The following NEDD4 variants were observed in gnomAD, a reference collection of about 807,000 sequenced individuals.
NEDD4 encodes E3 ubiquitin-protein ligase NEDD4.
A neutral mutation model predicts 144.9 loss-of-function variants in NEDD4; 99 were observed. That is an observed-to-expected ratio of 0.68 (90% CI 0.58 to 0.81). The LOEUF is 0.81. Among genes scored for constraint, NEDD4 ranks in the 30% least tolerant of loss-of-function variants. The pLI is 0.00. For missense variants in NEDD4, 985 were observed against 1,065.9 expected, an observed-to-expected ratio of 0.92 and a Z score of 1.06; for synonymous variants, 318 against 350.6, an observed-to-expected ratio of 0.91 and a Z score of 1.04.
intron 4 of NEDD4, among the ~76,000 whole-genome samples, chr15:55,939,482 C>A (rs2036956616): frequency 6.6e-6 from 1 of 152,250 alleles, no homozygotes; most frequent in African/African-American, 2.4e-5. Flanking sequence ...GTATCTTTAT[C>A]ATAGTGTGAA....
At chr15:55,875,152 A>G (rs1363901678) in intron 5 of NEDD4, among the ~76,000 whole-genome samples, 2 of 152,268 alleles carry the variant, frequency 1.3e-5, no homozygotes, top group East Asian at 3.9e-4. Context: ...CAGCCACAAG[A>G]TGACGCAGAT....
chr15:55,855,809 C>T (rs2034170457), intron 12 of NEDD4, among the ~76,000 whole-genome samples: 1 of 152,180 alleles, frequency 6.6e-6, no homozygotes, highest in South Asian at 2.1e-4. Context: ...TGTGCATGTG[C>T]AGAACATCAG....
At chr15:55,926,052 T>C (rs369028368) in intron 4 of NEDD4, among the ~76,000 whole-genome samples, 1 of 152,156 alleles carries the variant, frequency 6.6e-6, no homozygotes, top group South Asian at 2.1e-4. Flanking sequence ...ATATACAGTA[T>C]GTAAAATACA....
intron 2 of NEDD4, among the ~76,000 whole-genome samples, chr15:55,965,216 T>C (rs77873281): frequency 0.019 from 2,963 of 152,300 alleles, 108 homozygotes; most frequent in African/African-American, 0.068. Context: ...GTTTGTTTTT[T>C]GAGACACGGT....
chr15:55,918,667 A>T (rs1460415743), intron 5 of NEDD4, among the ~76,000 whole-genome samples: 1 of 152,168 alleles, frequency 6.6e-6, no homozygotes, highest in Non-Finnish European at 1.5e-5. Context: ...GACACAAAAC[A>T]GAATTATGGG....
chr15:55,986,580 C>CTTTTTTTTTTT lies in NEDD4; in HGVS notation c.45+6920_45+6930dup, dbSNP rs58470215. ...TCGTAGGATGTAAGGCCTGTCCTTG[C>CTTTTTTTTTTT]TTTTTTTTTTTTTTTTTTTTTTTTT... is the stretch of plus-strand genomic sequence containing the variant. On this transcript the variant is annotated intron_variant, in intron 1 of 28. Coordinates refer to ENST00000435532, the MANE Select transcript of NEDD4 (RefSeq NM_006154.4). 2.5e-4 allele frequency among the ~76,000 whole-genome samples: 19 copies of CTTTTTTTTTTT among 76,434 alleles called. 1 individual carries two copies. Among genetic ancestry groups the CTTTTTTTTTTT allele is most frequent in the African/African-American group, 1.1e-3 (19 of 16,806 alleles). The allele number at this position is 76,434 out of a possible 152,430, so 50.1% of individuals were successfully genotyped here.
At chr15:55,885,412 T>C (rs1394273426) in intron 5 of NEDD4, among the ~76,000 whole-genome samples, 5 of 152,132 alleles carry the variant, frequency 3.3e-5, no homozygotes, top group African/African-American at 9.7e-5. Context: ...AATATGATAA[T>C]ACTGTAATTG....
chr15:55,861,282 A>G (rs2034395278), intron 9 of NEDD4, among the ~76,000 whole-genome samples: 1 of 152,160 alleles, frequency 6.6e-6, no homozygotes, highest in South Asian at 2.1e-4. Context: ...TTTATAATGA[A>G]AAGCTTAATG....
chr15:55,846,255 T>G (rs754534988), intron 18 of NEDD4, among the ~76,000 whole-genome samples: 1 of 152,208 alleles, frequency 6.6e-6, no homozygotes, highest in African/African-American at 2.4e-5. Context: ...GAAAGCCAGC[T>G]TCTGGCTTAG....
chr15:55,829,892 G>C lies in NEDD4; in HGVS notation c.*5C>G. On this transcript the variant is annotated 3_prime_UTR_variant, in exon 29 of 29. Transcript: ENST00000435532. The stretch of plus-strand genomic sequence containing the variant: ...GTAAAAACACTACAGATTGTTATTT[G>C]TAATCTAATCAACTCCATCAAAGCC... The C allele has an allele frequency of 6.2e-7, 1 of 1,602,468 alleles. No individual in the cohort carries two copies. The highest frequency in any genetic ancestry group is 8.5e-7 in the Non-Finnish European group (1 of 1,172,476).
At chr15:55,894,215 C>T (rs539191093) in intron 5 of NEDD4, among the ~76,000 whole-genome samples, 6 of 151,762 alleles carry the variant, frequency 4.0e-5, no homozygotes, top group East Asian at 3.9e-4. Context: ...TCAATCAATC[C>T]GGGATCAAAA....
At chr15:55,834,963 T>G (rs1408288279) in intron 24 of NEDD4, among the ~76,000 whole-genome samples, 10 of 152,200 alleles carry the variant, frequency 6.6e-5, no homozygotes, top group African/African-American at 2.4e-4. Context: ...CCTGCACCTG[T>G]GCTTCACCTG....
In NEDD4 at chr15:55,970,535, T is replaced by G. The variant is rs559190067; in HGVS notation, c.46-3989A>C. ...TGGTGGCCACAGGATTGTGTCACCC[T>G]TCTGCCAACTCCAGGCAGCTCAGAA... is the stretch of plus-strand genomic sequence containing the variant. On this transcript the variant is annotated intron_variant, in intron 1 of 28. Transcript: ENST00000435532. Among the ~76,000 whole-genome samples the G allele has an allele frequency of 2.6e-5, 4 of 152,292 alleles. No individual in the cohort carries two copies. In the East Asian group the frequency reaches 7.7e-4, roughly 29 times the overall value.
chr15:55,867,453 T>C (rs2034624415), intron 8 of NEDD4, among the ~76,000 whole-genome samples: 1 of 152,214 alleles, frequency 6.6e-6, no homozygotes, highest in Admixed American at 6.5e-5. Flanking sequence ...GATGCGTGCA[T>C]GTGGGCAAAA....
intron 6 of NEDD4, among the ~76,000 whole-genome samples, chr15:55,872,917 T>TA (rs201906568): frequency 2.1e-3 from 282 of 134,024 alleles, no homozygotes; most frequent in South Asian, 3.8e-3. Flanking sequence ...GCACCCTGTT[T>TA]AAAAAAAAAA....
intron 1 of NEDD4, among the ~76,000 whole-genome samples, chr15:55,971,395 C>T (rs920179429): frequency 1.1e-4 from 17 of 152,132 alleles, no homozygotes; most frequent in Admixed American, 6.5e-4. Context: ...GAGGCTGAGG[C>T]GAGTGGATCT....
At chr15:55,957,949 TCA>T (rs1566968980) in intron 2 of NEDD4, among the ~76,000 whole-genome samples, 1 of 152,084 alleles carries the variant, frequency 6.6e-6, no homozygotes, top group East Asian at 1.9e-4. Context: ...GTGGGGAACA[TCA>T]CACACCAGGG....
intron 5 of NEDD4, among the ~76,000 whole-genome samples, chr15:55,910,327 T>C (rs1204461729): frequency 1.3e-5 from 2 of 152,086 alleles, no homozygotes; most frequent in Admixed American, 6.5e-5. Flanking sequence ...CTCTTGCTAA[T>C]GGACCTCCTA....
intron 24 of NEDD4, 61 bp from the exon 25 acceptor site, chr15:55,834,347 A>C: frequency 9.5e-7 from 1 of 1,054,046 alleles, no homozygotes; most frequent in Non-Finnish European, 1.4e-6. Context: ...CCTATGCCTC[A>C]GCTTCTGGAT....
Sources: allele counts gnomAD v4.1 joint callset (sites outside exome capture counted in the v4.1 genomes callset), GRCh38; gene constraint gnomAD v4.1.1; transcripts MANE v1.5; gene names NCBI Gene and HGNC (gene_info 2026-07-23, HGNC 2026-07-21).